TMCC3: variants seen among roughly 807,000 people sequenced by gnomAD.
TMCC3 encodes the protein transmembrane and coiled-coil domain family 3.
TMCC3 carries 28 observed loss-of-function variants against 40.2 expected under a neutral mutation model. The ratio of observed to expected loss-of-function variants is 0.70; its 90% CI spans 0.52 to 0.95. The LOEUF (loss-of-function observed/expected upper bound fraction) is 0.95, where lower values mean the gene tolerates loss of function less well. Ranked by LOEUF, TMCC3 falls within the 40% of genes least tolerant of loss-of-function variation. The pLI is 0.00. For missense variants in TMCC3, 554 were observed against 615.2 expected (o/e 0.90, Z 1.05); for synonymous variants, 255 against 248.5 (o/e 1.03, Z -0.25).
At chr12:94,578,564 T>C (rs766163695) in intron 2 of TMCC3, 35 bp from the exon 3 acceptor site, 28 of 1,598,694 alleles carry the variant, frequency 1.8e-5, no homozygotes, top group East Asian at 2.3e-5. Context: ...CAGTGTGACC[T>C]TTCACAGCAC....
At chr12:94,637,457 T>C (rs973396180) in intron 1 of TMCC3, among the ~76,000 whole-genome samples, 1 of 152,216 alleles carries the variant, frequency 6.6e-6, no homozygotes, top group Non-Finnish European at 1.5e-5. Flanking sequence ...AAACATGCTG[T>C]GTCCGAAGCG....
chr12:94,591,459 AAATAT>A (rs2068675142), intron 1 of TMCC3, among the ~76,000 whole-genome samples: 2 of 151,676 alleles, frequency 1.3e-5, no homozygotes, highest in African/African-American at 4.8e-5. Context: ...AAAAAAAAAG[AAATAT>A]ATAAGATACA....
chr12:94,603,916 G>GAA (rs5800164), intron 1 of TMCC3, among the ~76,000 whole-genome samples: 75 of 152,080 alleles, frequency 4.9e-4, no homozygotes, highest in Non-Finnish European at 6.2e-4. Flanking sequence ...ATTCTAGCAA[G>GAA]AAAAAAAACC....
intron 1 of TMCC3, among the ~76,000 whole-genome samples, chr12:94,606,777 G>A (rs553027417): frequency 2.1e-4 from 32 of 152,208 alleles, no homozygotes; most frequent in Admixed American, 3.3e-4. Flanking sequence ...CGAACAGGGC[G>A]TAGGTCACAA....
chr12:94,647,805 T>C (rs1022232358), intron 1 of TMCC3, among the ~76,000 whole-genome samples: 7 of 152,206 alleles, frequency 4.6e-5, no homozygotes, highest in African/African-American at 1.4e-4. Context: ...CACAGTAAAA[T>C]TGTTGCTTTC....
At chr12:94,634,250 T>C (rs2068948701) in intron 1 of TMCC3, among the ~76,000 whole-genome samples, 1 of 152,078 alleles carries the variant, frequency 6.6e-6, no homozygotes, top group Non-Finnish European at 1.5e-5. Flanking sequence ...TGGCCCAGTA[T>C]ATGTATTATT....
At chr12:94,611,190 A>G (rs1450524204) in intron 1 of TMCC3, among the ~76,000 whole-genome samples, 1 of 152,202 alleles carries the variant, frequency 6.6e-6, no homozygotes, top group Non-Finnish European at 1.5e-5. Context: ...TTAGAAAAGT[A>G]ACTCCCTACT....
intron 1 of TMCC3, among the ~76,000 whole-genome samples, chr12:94,593,862 G>A (rs555175495): frequency 1.2e-4 from 18 of 152,174 alleles, no homozygotes; most frequent in African/African-American, 4.1e-4. Flanking sequence ...AGATTTGTAC[G>A]TACTAAATCT....
At chr12:94,578,674 G>C (rs1301066738) in intron 2 of TMCC3, 145 bp from the exon 3 acceptor site, 4 of 883,020 alleles carry the variant, frequency 4.5e-6, no homozygotes, top group Non-Finnish European at 6.8e-6. Flanking sequence ...GGCTAGCTGT[G>C]GGAATTGAGC....
At chr12:94,571,862 C>G (rs1352860413) in intron 3 of TMCC3, 125 bp from the exon 4 acceptor site, 2 of 875,662 alleles carry the variant, frequency 2.3e-6, no homozygotes, top group East Asian at 5.0e-5. Context: ...CTGCAAATCC[C>G]CAAACCGATG....
intron 1 of TMCC3, among the ~76,000 whole-genome samples, chr12:94,613,401 A>T (rs1479579501): frequency 6.6e-6 from 1 of 152,166 alleles, no homozygotes; most frequent in Non-Finnish European, 1.5e-5. Context: ...TGGGAGGTTG[A>T]AGCTGCAGTG....
chr12:94,596,680 T>C (rs2068717060), intron 1 of TMCC3, among the ~76,000 whole-genome samples: 1 of 151,536 alleles, frequency 6.6e-6, no homozygotes, highest in South Asian at 2.1e-4. Context: ...CTAGGCCACC[T>C]GTGTCTGCTC....
At chr12:94,638,737 G>A (rs537925358) in intron 1 of TMCC3, among the ~76,000 whole-genome samples, 1 of 152,226 alleles carries the variant, frequency 6.6e-6, no homozygotes, top group Non-Finnish European at 1.5e-5. Context: ...CTGACTATCT[G>A]AAGCCAAGTT....
At chr12:94,612,487 T>C (rs1430569567) in intron 1 of TMCC3, among the ~76,000 whole-genome samples, 2 of 150,864 alleles carry the variant, frequency 1.3e-5, no homozygotes, top group African/African-American at 4.9e-5. Flanking sequence ...ATTTTTTGTA[T>C]TTTTGGTAGA....
chr12:94,590,260 A>ATTTTTTTT (rs72186655), intron 1 of TMCC3, among the ~76,000 whole-genome samples: 26 of 85,356 alleles, frequency 3.0e-4, no homozygotes, highest in African/African-American at 7.7e-4. Context: ...CGCCCTGCTA[A>ATTTTTTTT]TTTTTTTTTT....
intron 1 of TMCC3, among the ~76,000 whole-genome samples, chr12:94,593,423 G>GAAGAAGAAGAAGAAGAAGAA (rs373000102): frequency 4.4e-5 from 1 of 22,560 alleles, no homozygotes; most frequent in Non-Finnish European, 1.1e-4. Context: ...AGAAGAAGAA[G>GAAGAAGAAGAAGAAGAAGAA]GAAGAAGAAG....
Position 94,598,812 on chromosome 12 carries a change from C to T in TMCC3, c.79-16274G>A, listed in dbSNP as rs950772836. On this transcript the variant is annotated intron_variant, in intron 1 of 3. Transcript: ENST00000261226. The stretch of plus-strand genomic sequence containing the variant: ...TTGTGATCTGGGATAAAAGAAACGA[C>T]AAAGAAATAAAACAAATGGTGGGCT... The T allele has an allele frequency of 9.3e-6, 9 of 966,256 alleles. No homozygotes were observed. The African/African-American group carries it at 1.4e-4, about 15-fold the overall frequency. The allele number at this position is 966,256 out of a possible 1,614,324, so 59.9% of individuals were successfully genotyped here. A position where few individuals can be genotyped will look rare whatever the true frequency, so the allele number is the denominator to read the frequency against.
intron 1 of TMCC3, chr12:94,644,499 G>A (rs1477246415): frequency 1.1e-6 from 1 of 934,702 alleles, no homozygotes; most frequent in Non-Finnish European, 1.3e-6. Context: ...GGATGTGACA[G>A]GCGGGTGAGC....
chr12:94,634,249 A>G lies in TMCC3; in HGVS notation c.78+16104T>C, dbSNP rs192158814. 2.9e-4 allele frequency among the ~76,000 whole-genome samples: 44 copies of G among 152,190 alleles called. No individual in the cohort carries two copies. In the East Asian group the frequency reaches 3.7e-3, roughly 13 times the overall value. On this transcript the variant is annotated intron_variant, in intron 1 of 3. Transcript: ENST00000261226. ...CATGAACCACCGTGCCTGGCCCAGT[A>G]TATGTATTATTCTTATTTATCTATC...
Sources: allele counts gnomAD v4.1 joint callset (sites outside exome capture counted in the v4.1 genomes callset), GRCh38; gene constraint gnomAD v4.1.1; transcripts MANE v1.5; gene names NCBI Gene and HGNC (gene_info 2026-07-23, HGNC 2026-07-21).